The following FKBP3 variants were observed in gnomAD, a reference collection of about 807,000 sequenced individuals.
The protein encoded by FKBP3 is FKBP prolyl isomerase 3.
A neutral mutation model predicts 30.6 loss-of-function variants in FKBP3; 21 were observed. The ratio of observed to expected loss-of-function variants is 0.69; its 90% CI spans 0.49 to 0.99. The LOEUF is 0.99. Ranked by LOEUF, FKBP3 falls within the 50% of genes least tolerant of loss-of-function variation. The pLI is 0.00. For missense variants in FKBP3, 283 were observed against 261.6 expected (o/e 1.08, Z -0.56); for synonymous variants, 82 against 91.3 (o/e 0.90, Z 0.58).
rs769558172 is a variant in FKBP3 at position 45,121,637 on chromosome 14, A to C, written c.319-17T>G. 6.4e-6 allele frequency: 10 copies of C among 1,570,744 alleles called. No individual in the cohort carries two copies. The Admixed American group carries it at 1.7e-4, about 27-fold the overall frequency. On this transcript the variant is annotated splice_polypyrimidine_tract_variant and intron_variant, in intron 3 of 6. Coordinates refer to ENST00000396062, the MANE Select transcript of FKBP3 (RefSeq NM_002013.4). ...TGGTGGACCCTAAAAACAAAAAACA[A>C]CACACACACACAGAGTTATTAATTT...
At chr14:45,123,611 T>TC in intron 3 of FKBP3, among the ~76,000 whole-genome samples, 1 of 125,696 alleles carries the variant, frequency 8.0e-6, no homozygotes, top group Non-Finnish European at 1.7e-5. Flanking sequence ...CCTTTTTTTT[T>TC]TTTTTTTTTT....
intron 1 of FKBP3, among the ~76,000 whole-genome samples, chr14:45,133,976 A>T (rs1187431946): frequency 6.6e-6 from 1 of 152,196 alleles, no homozygotes; most frequent in African/African-American, 2.4e-5. Context: ...CCATTTCCCT[A>T]GTAGCCGGCG....
rs543422539 is a variant in FKBP3, at chr14:45,117,903, G to C, written c.620+125C>G. 126 of 690,460 alleles carry C rather than the reference G, an allele frequency of 1.8e-4. No individual in the cohort carries two copies. The African/African-American group carries it at 1.8e-3, about 10-fold the overall frequency. 42.8% of individuals were successfully genotyped at this position (690,460 alleles called of 1,614,324 possible). Reference sequence around the variant, plus strand: ...CTGACACATAAGCATCTAAAGATCAGGAAGACTAGTCTGGACAGGATTCTT... The same window carrying C: ...CTGACACATAAGCATCTAAAGATCACGAAGACTAGTCTGGACAGGATTCTT... On this transcript the variant is annotated intron_variant, in intron 6 of 6. Coordinates refer to ENST00000396062, the MANE Select transcript of FKBP3 (RefSeq NM_002013.4).
At chr14:45,132,092 T>C (rs973467387) in intron 1 of FKBP3, among the ~76,000 whole-genome samples, 3 of 152,262 alleles carry the variant, frequency 2.0e-5, no homozygotes, top group Non-Finnish European at 2.9e-5. Flanking sequence ...AAGTTGTCCT[T>C]TGGCATCTTC....
intron 3 of FKBP3, among the ~76,000 whole-genome samples, chr14:45,124,476 G>A (rs899993607): frequency 2.6e-5 from 4 of 151,990 alleles, no homozygotes; most frequent in Admixed American, 6.6e-5. Context: ...AGGTTGCAGT[G>A]AGCCAAAATT....
chr14:45,118,460 T>C (rs1320110528), intron 5 of FKBP3, among the ~76,000 whole-genome samples: 1 of 151,916 alleles, frequency 6.6e-6, no homozygotes, highest in African/African-American at 2.4e-5. Flanking sequence ...TGAAACCCCA[T>C]CTTCTACTAA....
intron 3 of FKBP3, among the ~76,000 whole-genome samples, chr14:45,127,764 G>C (rs150618673): frequency 1.6e-4 from 24 of 152,210 alleles, no homozygotes; most frequent in Middle Eastern, 3.4e-3. Flanking sequence ...AATCTTATTA[G>C]AATACCCATT....
In FKBP3 at chr14:45,134,369, G is replaced by T; in HGVS notation, c.88C>A (p.Gln30Lys). The T allele has an allele frequency of 6.2e-7, 1 of 1,613,704 alleles. No homozygotes were observed. Among genetic ancestry groups the T allele is most frequent in the Non-Finnish European group, 8.5e-7 (1 of 1,179,760 alleles). Residue 30 changes from glutamine to lysine, a missense_variant, in exon 1 of 7, where the codon CAG becomes AAG. By Grantham distance (53) the Gln-to-Lys change is moderately conservative (BLOSUM62 1). Coordinates refer to ENST00000396062, the MANE Select transcript of FKBP3 (RefSeq NM_002013.4). Reference protein sequence around the residue: ...LPKKDIIKFLQEHGSDSFLAE... With the variant: ...LPKKDIIKFLKEHGSDSFLAE... ...GGTACCGAATCTGAACCGTGTTCCT[G>T]CAGAAACTTGATAATGTCCTTCTTG...
At position 45,134,219 on chromosome 14, in the gene FKBP3, G is replaced by T. The variant is rs1030501208; in HGVS notation, c.108+130C>A. The T allele has an allele frequency of 6.5e-6, 5 of 765,920 alleles. No individual in the cohort carries two copies. In the African/African-American group the frequency reaches 7.1e-5, roughly 11 times the overall value. The allele number at this position is 765,920 out of a possible 1,614,324, so 47.4% of individuals were successfully genotyped here. A position where few individuals can be genotyped will look rare whatever the true frequency, so the allele number is the denominator to read the frequency against. ...ACCAAAGCACAAGCTGGGCCTCTCC[G>T]GCCTTCCAGGCCACCGGCCGCGGGA... On this transcript the variant is annotated intron_variant, in intron 1 of 6. Coordinates refer to ENST00000396062, the MANE Select transcript of FKBP3 (RefSeq NM_002013.4).
At chr14:45,134,028 C>T (rs993857849) in intron 1 of FKBP3, among the ~76,000 whole-genome samples, 1 of 152,230 alleles carries the variant, frequency 6.6e-6, no homozygotes, top group Non-Finnish European at 1.5e-5. Context: ...ATTCCTCGGC[C>T]TCTCCGCCCT....
chr14:45,133,080 C>G (rs1885258650), intron 1 of FKBP3, among the ~76,000 whole-genome samples: 1 of 152,126 alleles, frequency 6.6e-6, no homozygotes, highest in Non-Finnish European at 1.5e-5. Context: ...GATGCGGATG[C>G]CAGGATAATA....
At chr14:45,120,424 G>C (rs879509595) in intron 5 of FKBP3, among the ~76,000 whole-genome samples, 2 of 152,170 alleles carry the variant, frequency 1.3e-5, no homozygotes, top group Admixed American at 6.5e-5. Context: ...AGGTGAAAAG[G>C]CTGCAGAAAC....
At chr14:45,127,457 TA>T (rs781511821) in intron 3 of FKBP3, among the ~76,000 whole-genome samples, 45 of 152,266 alleles carry the variant, frequency 3.0e-4, no homozygotes, top group Admixed American at 1.1e-3. Flanking sequence ...AAAAAATTTT[TA>T]AATGAAAAAT....
intron 3 of FKBP3, among the ~76,000 whole-genome samples, chr14:45,127,992 T>C (rs1012390657): frequency 4.6e-5 from 7 of 152,128 alleles, no homozygotes; most frequent in Non-Finnish European, 7.4e-5. Flanking sequence ...AAGAAGGGAA[T>C]GGCAATGGCT....
intron 1 of FKBP3, chr14:45,133,444 GC>G (rs1410596231): frequency 5.9e-6 from 1 of 168,072 alleles, no homozygotes; most frequent in African/African-American, 2.4e-5. Context: ...TCCAGCCTGG[GC>G]AACAGAGAGA....
intron 5 of FKBP3, among the ~76,000 whole-genome samples, chr14:45,119,941 C>T (rs533416007): frequency 5.3e-4 from 80 of 152,160 alleles, no homozygotes; most frequent in African/African-American, 1.6e-3. Context: ...CCACCCACCT[C>T]GGCCTCCCAA....
At position 45,115,645 on chromosome 14, in the gene FKBP3, C is replaced by T. The variant is rs1199590955; in HGVS notation, c.*553G>A. 6.6e-6 allele frequency: 1 copy of T among 152,552 alleles called. No homozygotes were observed. The highest frequency in any genetic ancestry group is 1.5e-5 in the Non-Finnish European group (1 of 68,052). 9.4% of individuals were successfully genotyped at this position (152,552 alleles called of 1,614,324 possible). On this transcript the variant is annotated 3_prime_UTR_variant, in exon 7 of 7. Coordinates refer to ENST00000396062, the MANE Select transcript of FKBP3 (RefSeq NM_002013.4). ...TGGGGGGATCAATTAGTAATATTAA[C>T]CTTATGTTCACCTTTATTAGTGGCT...
intron 3 of FKBP3, among the ~76,000 whole-genome samples, chr14:45,124,256 C>T (rs1331824801): frequency 1.3e-5 from 2 of 152,110 alleles, no homozygotes; most frequent in African/African-American, 2.4e-5. Flanking sequence ...ATCAGCTGGG[C>T]GCAGTTACTC....
chr14:45,134,379 GATA>G lies in FKBP3; in HGVS notation c.75_77del (p.Ile26del). ...CTGAACCGTGTTCCTGCAGAAACTT[GATA>G]ATGTCCTTCTTGGGCAGCTGCTCAC... is the stretch of plus-strand genomic sequence containing the variant. On this transcript the variant is annotated inframe_deletion, in exon 1 of 7. Transcript: ENST00000396062. 1 of 1,613,922 alleles carries G rather than the reference GATA, an allele frequency of 6.2e-7. No individual in the cohort carries two copies. The highest frequency in any genetic ancestry group is 8.5e-7 in the Non-Finnish European group (1 of 1,179,888).
Sources: gnomAD v4.1 joint callset for allele counts (sites outside exome capture counted in the v4.1 genomes callset) on GRCh38, gnomAD v4.1.1 for gene constraint, MANE v1.5 for transcripts, NCBI Gene and HGNC (gene_info 2026-07-23, HGNC 2026-07-21) for gene names.